ATG10: variants seen among roughly 807,000 people sequenced by gnomAD.
ATG10 encodes the protein ubiquitin-like-conjugating enzyme ATG10.
ATG10 carries 30 observed loss-of-function variants against 32.1 expected under a neutral mutation model. That is an observed-to-expected ratio of 0.94 (90% CI 0.70 to 1.27). ATG10 has a LOEUF of 1.27. Ranked by LOEUF, ATG10 falls within the 50% of genes most tolerant of loss-of-function variation. The pLI, the probability that ATG10 is intolerant of heterozygous loss-of-function variation, is 0.00. For missense variants in ATG10, 233 were observed against 262.3 expected, an observed-to-expected ratio of 0.89 and a Z score of 0.77; for synonymous variants, 87 against 91.5, an observed-to-expected ratio of 0.95 and a Z score of 0.28.
At chr5:81,978,352 G>A (rs1440843031) in intron 1 of ATG10, among the ~76,000 whole-genome samples, 2 of 152,208 alleles carry the variant, frequency 1.3e-5, no homozygotes, top group African/African-American at 4.8e-5. Context: ...TTACAGGCAT[G>A]AGCCACTGCT....
chr5:82,026,203 A>G (rs1274779993), intron 2 of ATG10, among the ~76,000 whole-genome samples: 3 of 152,220 alleles, frequency 2.0e-5, no homozygotes, highest in South Asian at 4.2e-4. Context: ...GAATTTGACT[A>G]CTTTCGGTAA....
At chr5:82,009,760 A>C in intron 2 of ATG10, 1 of 1,606,130 alleles carries the variant, frequency 6.2e-7, no homozygotes, top group Non-Finnish European at 8.5e-7. Context: ...CAGATGAAAA[A>C]CTGGGAGCCA....
At position 82,082,373 on chromosome 5, in the gene ATG10, A is replaced by G. The variant is rs116313263; in HGVS notation, c.216+23771A>G. 5.3e-3 allele frequency among the ~76,000 whole-genome samples: 810 copies of G among 152,286 alleles called. 6 individuals are homozygous for G. Among genetic ancestry groups the G allele is most frequent in the African/African-American group, 0.018 (760 of 41,556 alleles). The stretch of plus-strand genomic sequence containing the variant: ...TGAGAAGAGTAATTCAGAAATACCT[A>G]AACACCTACTTTCTTATATCTTCAA... On this transcript the variant is annotated intron_variant, in intron 3 of 7. Transcript: ENST00000282185.
chr5:82,084,848 G>A (rs1055308915), intron 3 of ATG10, among the ~76,000 whole-genome samples: 1 of 152,144 alleles, frequency 6.6e-6, no homozygotes, highest in Non-Finnish European at 1.5e-5. Context: ...AACATGGAAA[G>A]GAACAACGGT....
At chr5:82,039,490 G>A (rs1763023407) in intron 2 of ATG10, among the ~76,000 whole-genome samples, 2 of 152,010 alleles carry the variant, frequency 1.3e-5, no homozygotes, top group African/African-American at 4.8e-5. Context: ...TGTCTTTGAA[G>A]AAGATTTTCT....
At chr5:81,991,746 G>A (rs540235946) in intron 2 of ATG10, among the ~76,000 whole-genome samples, 97 of 150,444 alleles carry the variant, frequency 6.4e-4, no homozygotes, top group African/African-American at 2.2e-3. Context: ...AGTGAGCCAA[G>A]ATCATACTAT....
At chr5:82,074,228 C>A (rs1764208339) in intron 3 of ATG10, among the ~76,000 whole-genome samples, 2 of 152,122 alleles carry the variant, frequency 1.3e-5, no homozygotes, top group Admixed American at 6.6e-5. Context: ...TATAAAATTT[C>A]TGTCAATTTT....
At chr5:82,061,103 C>T (rs557473983) in intron 3 of ATG10, among the ~76,000 whole-genome samples, 1 of 152,268 alleles carries the variant, frequency 6.6e-6, no homozygotes, top group South Asian at 2.1e-4. Flanking sequence ...TTGTAAGCTT[C>T]CATTACTGCT....
At chr5:82,017,525 A>G (rs1354424462) in intron 2 of ATG10, among the ~76,000 whole-genome samples, 2 of 152,114 alleles carry the variant, frequency 1.3e-5, no homozygotes, top group African/African-American at 4.8e-5. Flanking sequence ...TATTCAGTAT[A>G]ATGTTGGCTG....
intron 5 of ATG10, among the ~76,000 whole-genome samples, chr5:82,186,723 G>A (rs1375632648): frequency 6.6e-6 from 1 of 151,362 alleles, no homozygotes; most frequent in Non-Finnish European, 1.5e-5. Flanking sequence ...TTCCCAAGTA[G>A]CTGCGATTAT....
chr5:82,025,460 A>T (rs191741849), intron 2 of ATG10, among the ~76,000 whole-genome samples: 1 of 152,308 alleles, frequency 6.6e-6, no homozygotes, highest in East Asian at 1.9e-4. Flanking sequence ...GTCCCAATCC[A>T]TGGTTGAACT....
chr5:81,991,200 C>G (rs917009525), intron 2 of ATG10, among the ~76,000 whole-genome samples: 2 of 152,184 alleles, frequency 1.3e-5, no homozygotes, highest in East Asian at 3.8e-4. Flanking sequence ...GTGAATCAGT[C>G]GCTTGGTTAT....
At chr5:81,974,530 CT>C in intron 1 of ATG10, among the ~76,000 whole-genome samples, 1 of 152,306 alleles carries the variant, frequency 6.6e-6, no homozygotes, top group East Asian at 1.9e-4. Context: ...TTTATCATCT[CT>C]TCTGAGCTCA....
intron 4 of ATG10, among the ~76,000 whole-genome samples, chr5:82,169,330 A>G (rs962733286): frequency 3.3e-5 from 5 of 152,118 alleles, no homozygotes; most frequent in African/African-American, 1.2e-4. Flanking sequence ...GAAAAAAAAA[A>G]AAAAGGATTT....
chr5:82,024,996 C>T (rs1762553931), intron 2 of ATG10, among the ~76,000 whole-genome samples: 1 of 152,162 alleles, frequency 6.6e-6, no homozygotes, highest in Non-Finnish European at 1.5e-5. Flanking sequence ...GAGTTGTGTA[C>T]TTTTTGAAAG....
intron 5 of ATG10, among the ~76,000 whole-genome samples, chr5:82,230,685 A>G (rs773250442): frequency 6.9e-6 from 1 of 145,552 alleles, no homozygotes; most frequent in Non-Finnish European, 1.5e-5. Flanking sequence ...GTGAGCTGAG[A>G]TCGCACCACT....
chr5:82,106,271 C>G (rs754986073), intron 3 of ATG10, among the ~76,000 whole-genome samples: 20 of 151,896 alleles, frequency 1.3e-4, no homozygotes, highest in Non-Finnish European at 2.8e-4. Context: ...AAAAATATAC[C>G]CACCTTGGTG....
intron 5 of ATG10, among the ~76,000 whole-genome samples, chr5:82,231,676 G>T (rs150349093): frequency 6.6e-6 from 1 of 152,060 alleles, no homozygotes; most frequent in African/African-American, 2.4e-5. Context: ...TGGGATTATC[G>T]CATGCTTATG....
intron 5 of ATG10, among the ~76,000 whole-genome samples, chr5:82,219,583 T>C (rs1002923606): frequency 3.3e-5 from 5 of 152,132 alleles, no homozygotes; most frequent in Admixed American, 1.3e-4. Flanking sequence ...TATATGTTGC[T>C]TAGGAGTCAG....
Sources: allele counts gnomAD v4.1 joint callset (sites outside exome capture counted in the v4.1 genomes callset), GRCh38; gene constraint gnomAD v4.1.1; transcripts MANE v1.5; gene names NCBI Gene and HGNC (gene_info 2026-07-23, HGNC 2026-07-21).